MCC: variants seen among roughly 807,000 people sequenced by gnomAD.
The protein encoded by MCC is colorectal mutant cancer protein.
MCC carries 90 observed loss-of-function variants against 116.2 expected under a neutral mutation model. That is an observed-to-expected ratio of 0.77 (90% confidence interval 0.65 to 0.92). The LOEUF is 0.92. MCC is among the 40% of genes least tolerant of loss of function. MCC has a pLI of 0.00. For missense variants in MCC, 1,516 were observed against 1,312.2 expected (o/e 1.16, Z -2.40); for synonymous variants, 578 against 510.5 (o/e 1.13, Z -1.78).
intron 1 of MCC, among the ~76,000 whole-genome samples, chr5:113,486,634 A>G (rs1437653886): frequency 1.3e-5 from 2 of 152,124 alleles, no homozygotes; most frequent in Non-Finnish European, 2.9e-5. Flanking sequence ...ACTTAGGGTC[A>G]GGAATTCGAG....
chr5:113,363,525 A>G (rs1030127280), intron 2 of MCC, among the ~76,000 whole-genome samples: 1 of 152,092 alleles, frequency 6.6e-6, no homozygotes, highest in African/African-American at 2.4e-5. Context: ...ACCAAATCTC[A>G]TGAGAACTCA....
chr5:113,441,735 G>A (rs1012298229), intron 1 of MCC, among the ~76,000 whole-genome samples: 1 of 152,122 alleles, frequency 6.6e-6, no homozygotes, highest in South Asian at 2.1e-4. Context: ...TCCCACTTAT[G>A]AGTGAGAACA....
At chr5:113,362,733 C>A (rs1317205128) in intron 2 of MCC, among the ~76,000 whole-genome samples, 2 of 151,958 alleles carry the variant, frequency 1.3e-5, no homozygotes, top group African/African-American at 2.4e-5. Context: ...TAGCCTATTT[C>A]TAATAATGCT....
At position 113,469,488 on chromosome 5, in the gene MCC, C is replaced by G. The variant is rs188093089; in HGVS notation, c.170+18757G>C. Among the ~76,000 whole-genome samples the G allele has an allele frequency of 2.0e-3, 302 of 152,158 alleles. 5 individuals are homozygous for G. Among genetic ancestry groups the G allele is most frequent in the African/African-American group, 7.0e-3 (289 of 41,530 alleles). Reference sequence around the variant, plus strand: ...GTTGTTCAGTTTCCATGTAGTTGTGCGGTTTTGAGTGAGTTTCTCAATCCT... The same window carrying G: ...GTTGTTCAGTTTCCATGTAGTTGTGGGGTTTTGAGTGAGTTTCTCAATCCT... On this transcript the variant is annotated intron_variant, in intron 1 of 18. Transcript: ENST00000408903.
chr5:113,335,706 G>T (rs561977670), intron 3 of MCC, among the ~76,000 whole-genome samples: 5 of 151,638 alleles, frequency 3.3e-5, no homozygotes, highest in African/African-American at 9.8e-5. Flanking sequence ...TTATGAATAG[G>T]GCTTAGATTA....
At chr5:113,406,826 A>C (rs1358268601) in intron 1 of MCC, among the ~76,000 whole-genome samples, 1 of 152,176 alleles carries the variant, frequency 6.6e-6, no homozygotes, top group Non-Finnish European at 1.5e-5. Context: ...GCATGCAGAG[A>C]ACCTCAGTGA....
At chr5:113,029,451 T>C (rs557109973) in intron 17 of MCC, among the ~76,000 whole-genome samples, 1 of 151,764 alleles carries the variant, frequency 6.6e-6, no homozygotes, top group Non-Finnish European at 1.5e-5. Flanking sequence ...AAGTATCTCC[T>C]GAACCACTCA....
intron 1 of MCC, among the ~76,000 whole-genome samples, chr5:113,441,332 C>T (rs1281465713): frequency 6.6e-6 from 1 of 151,364 alleles, no homozygotes; most frequent in South Asian, 2.1e-4. Flanking sequence ...GAATGAGACA[C>T]TGTCTCAAAA....
intron 3 of MCC, among the ~76,000 whole-genome samples, chr5:113,272,038 T>C (rs1348094938): frequency 6.6e-6 from 1 of 152,232 alleles, no homozygotes; most frequent in Non-Finnish European, 1.5e-5. Context: ...TTAACTTAAA[T>C]ATAGTTACTT....
chr5:113,140,743 T>C (rs1011276496), intron 5 of MCC, among the ~76,000 whole-genome samples: 2 of 152,240 alleles, frequency 1.3e-5, no homozygotes, highest in African/African-American at 4.8e-5. Context: ...AGGCCAGATT[T>C]AAGTGACACC....
chr5:113,140,836 G>C (rs1759135222), intron 5 of MCC, among the ~76,000 whole-genome samples: 1 of 152,202 alleles, frequency 6.6e-6, no homozygotes, highest in African/African-American at 2.4e-5. Context: ...GGCAGTTAGA[G>C]TTCATCCACG....
chr5:113,466,307 A>G (rs1437157576), intron 1 of MCC, among the ~76,000 whole-genome samples: 4 of 149,490 alleles, frequency 2.7e-5, no homozygotes, highest in Admixed American at 2.7e-4. Flanking sequence ...AGCATTAGGT[A>G]TATCTCCTAA....
chr5:113,319,392 G>A (rs1429771749), intron 3 of MCC, among the ~76,000 whole-genome samples: 1 of 152,202 alleles, frequency 6.6e-6, no homozygotes, highest in East Asian at 1.9e-4. Context: ...AGGACTGGAA[G>A]AGAACTATAA....
intron 3 of MCC, among the ~76,000 whole-genome samples, chr5:113,262,332 C>T (rs989265711): frequency 2.0e-5 from 3 of 152,108 alleles, no homozygotes; most frequent in East Asian, 3.9e-4. Flanking sequence ...AAAAAACAAG[C>T]GAAACCATCC....
At chr5:113,074,814 G>C (rs1376951364) in intron 11 of MCC, among the ~76,000 whole-genome samples, 1 of 152,246 alleles carries the variant, frequency 6.6e-6, no homozygotes, top group East Asian at 1.9e-4. Context: ...TGAATGAAAT[G>C]AAGTGAGAAG....
At chr5:113,196,459 C>G (rs1287047283) in intron 3 of MCC, among the ~76,000 whole-genome samples, 1 of 152,118 alleles carries the variant, frequency 6.6e-6, no homozygotes, top group Non-Finnish European at 1.5e-5. Context: ...AATATGGGCC[C>G]CATGTTGCTA....
chr5:113,344,072 C>T (rs567904020), intron 2 of MCC, among the ~76,000 whole-genome samples: 2 of 152,264 alleles, frequency 1.3e-5, no homozygotes, highest in South Asian at 2.1e-4. Flanking sequence ...CCACTCCTCC[C>T]GTACTCTCCA....
At chr5:113,341,356 AT>A (rs939666884) in intron 2 of MCC, among the ~76,000 whole-genome samples, 2 of 150,040 alleles carry the variant, frequency 1.3e-5, no homozygotes, top group Admixed American at 6.6e-5. Flanking sequence ...ATTAAAAAAA[AT>A]TTTTTTTGTA....
At chr5:113,095,399 T>C (rs1461108820) in intron 8 of MCC, among the ~76,000 whole-genome samples, 1 of 152,224 alleles carries the variant, frequency 6.6e-6, no homozygotes, top group Non-Finnish European at 1.5e-5. Context: ...AAAAAGGGTA[T>C]AATAATAGTA....
Sources: allele counts gnomAD v4.1 joint callset (sites outside exome capture counted in the v4.1 genomes callset), GRCh38; gene constraint gnomAD v4.1.1; transcripts MANE v1.5; gene names NCBI Gene and HGNC (gene_info 2026-07-23, HGNC 2026-07-21).